TRAPPC13: variants seen among roughly 807,000 people sequenced by gnomAD.
TRAPPC13 encodes REV7-interacting novel NHEJ regulator 1.
Under a neutral mutation model 54.0 loss-of-function variants are expected in TRAPPC13, and 39 were observed. The ratio of observed to expected loss-of-function variants is 0.72; its 90% CI spans 0.56 to 0.94. TRAPPC13 has a LOEUF of 0.94. TRAPPC13 is among the 40% of genes least tolerant of loss of function. The probability of loss-of-function intolerance (pLI) is 0.00; values close to 1 mark genes in which losing one functional copy is unlikely to be tolerated. For missense variants in TRAPPC13, 386 were observed against 488.1 expected (o/e 0.79, Z 1.97); for synonymous variants, 148 against 167.7 (o/e 0.88, Z 0.91).
At chr5:65,658,882 G>T (rs116724647) in intron 9 of TRAPPC13, among the ~76,000 whole-genome samples, 2,204 of 152,008 alleles carry the variant, frequency 0.014, 45 homozygotes, top group African/African-American at 0.051. Context: ...ACCACGCTTG[G>T]TTAATTTTTT....
At chr5:65,649,673 C>T (rs968363699) in intron 5 of TRAPPC13, among the ~76,000 whole-genome samples, 7 of 152,082 alleles carry the variant, frequency 4.6e-5, no homozygotes, top group African/African-American at 1.7e-4. Context: ...TGGTGTTTTG[C>T]TTATTAACTT....
intron 2 of TRAPPC13, 36 bp from the exon 3 acceptor site, chr5:65,635,908 T>C (rs763748530): frequency 7.7e-7 from 1 of 1,306,658 alleles, no homozygotes; most frequent in South Asian, 1.4e-5. Context: ...ATTTAAAGGG[T>C]AGATGTTAGA....
At chr5:65,653,874 A>T (rs27147) in intron 7 of TRAPPC13, among the ~76,000 whole-genome samples, 2 of 151,980 alleles carry the variant, frequency 1.3e-5, no homozygotes, top group African/African-American at 4.8e-5. Context: ...CTTTTTTGTT[A>T]TTAATACCAC....
At chr5:65,626,093 G>A (rs1268740949) in intron 1 of TRAPPC13, 1 of 91,768 alleles carries the variant, frequency 1.1e-5, no homozygotes, top group Non-Finnish European at 2.5e-5. Context: ...AGCTTAACCT[G>A]AGCAAATGAT....
chr5:65,628,824 A>AT lies in TRAPPC13; in HGVS notation c.46+3732dup, dbSNP rs11348831. ...TTAATTTTCTTCCAGACAGATTAGA[A>AT]TTTTTTTTTTTTTTAATGAGATGAA... On this transcript the variant is annotated intron_variant, in intron 1 of 12. Coordinates refer to ENST00000399438, the MANE Select transcript of TRAPPC13 (RefSeq NM_024941.4). 2.9e-3 allele frequency among the ~76,000 whole-genome samples: 423 copies of AT among 144,284 alleles called. 2 individuals carry two copies. Among genetic ancestry groups the AT allele is most frequent in the East Asian group, 0.014 (69 of 4,958 alleles). The allele number at this position is 144,284 out of a possible 152,430, so 94.7% of individuals were successfully genotyped here. A position where few individuals can be genotyped will look rare whatever the true frequency, so the allele number is the denominator to read the frequency against.
At chr5:65,630,065 A>G in intron 1 of TRAPPC13, 1 of 1,536,124 alleles carries the variant, frequency 6.5e-7, no homozygotes. Flanking sequence ...AAAGGCACTA[A>G]ATTTACACTC....
At chr5:65,640,953 A>G (rs1755942933) in intron 4 of TRAPPC13, among the ~76,000 whole-genome samples, 1 of 145,748 alleles carries the variant, frequency 6.9e-6, no homozygotes, top group Non-Finnish European at 1.5e-5. Context: ...TTTTTTTTTG[A>G]GAGAGGATCT....
At chr5:65,650,932 GGTA>G (rs1303162650) in intron 6 of TRAPPC13, 50 bp downstream of exon 6, 2 of 1,319,502 alleles carry the variant, frequency 1.5e-6, no homozygotes, top group African/African-American at 2.9e-5. Context: ...TTTTCTTCCT[GGTA>G]GTATACAGTT....
At chr5:65,636,159 T>C (rs929683504) in intron 3 of TRAPPC13, 116 bp downstream of exon 3, 16 of 695,660 alleles carry the variant, frequency 2.3e-5, no homozygotes, top group South Asian at 1.1e-4. Context: ...TTTTTTTTTT[T>C]CTGAGATGGA....
chr5:65,632,604 G>T (rs1314066949), intron 1 of TRAPPC13, among the ~76,000 whole-genome samples: 2 of 152,066 alleles, frequency 1.3e-5, no homozygotes, highest in Non-Finnish European at 2.9e-5. Context: ...ATAATCCTTT[G>T]TATGCAAATT....
At chr5:65,640,008 G>A (rs1223245241) in intron 4 of TRAPPC13, among the ~76,000 whole-genome samples, 1 of 152,210 alleles carries the variant, frequency 6.6e-6, no homozygotes, top group African/African-American at 2.4e-5. Flanking sequence ...AAGGACGTTA[G>A]AGAGCAAATA....
At chr5:65,662,340 T>A in intron 11 of TRAPPC13, 190 bp downstream of exon 11, 1 of 436,782 alleles carries the variant, frequency 2.3e-6, no homozygotes, top group Non-Finnish European at 4.0e-6. Context: ...GGGCCTATTG[T>A]ATTATGCATC....
At chr5:65,626,968 C>T (rs181444791) in intron 1 of TRAPPC13, among the ~76,000 whole-genome samples, 6 of 151,446 alleles carry the variant, frequency 4.0e-5, no homozygotes, top group Middle Eastern at 3.4e-3. Context: ...GGCGAAAACC[C>T]GTCTATACCA....
At chr5:65,633,258 A>AC (rs1755612962) in intron 1 of TRAPPC13, among the ~76,000 whole-genome samples, 1 of 152,012 alleles carries the variant, frequency 6.6e-6, no homozygotes, top group African/African-American at 2.4e-5. Flanking sequence ...TATAGTCTTT[A>AC]TAGTATTTTG....
At chr5:65,649,756 G>A (rs901022953) in intron 5 of TRAPPC13, among the ~76,000 whole-genome samples, 1 of 151,530 alleles carries the variant, frequency 6.6e-6, no homozygotes, top group Non-Finnish European at 1.5e-5. Context: ...TTTTATCCTA[G>A]TTTGTTTCTG....
rs1377495764 is a variant in TRAPPC13, at chr5:65,663,283, A to G, written c.999-954A>G. The stretch of plus-strand genomic sequence containing the variant: ...TTTCTAAAAAGCACATGTCTCTTAG[A>G]TCTTTAGTTTCCTCTCTATATAAAT... On this transcript the variant is annotated intron_variant, in intron 11 of 12. Transcript: ENST00000399438. The G allele has an allele frequency of 2.0e-5, 3 of 152,146 alleles. No individual in the cohort carries two copies. In the East Asian group the frequency reaches 5.8e-4, roughly 29 times the overall value. The allele number at this position is 152,146 out of a possible 1,614,324, so 9.4% of individuals were successfully genotyped here.
intron 1 of TRAPPC13, among the ~76,000 whole-genome samples, chr5:65,633,099 T>C (rs771510606): frequency 7.9e-5 from 12 of 152,166 alleles, no homozygotes; most frequent in Non-Finnish European, 7.4e-5. Flanking sequence ...TGTTACTTTT[T>C]TTCTGAAAAA....
At chr5:65,661,921 G>A (rs1278317827) in intron 10 of TRAPPC13, 129 bp from the exon 11 acceptor site, 7 of 568,566 alleles carry the variant, frequency 1.2e-5, no homozygotes, top group South Asian at 2.8e-5. Context: ...AAGTGAATCA[G>A]AAGTATTTTC....
chr5:65,644,484 A>G (rs1756104573), intron 4 of TRAPPC13, among the ~76,000 whole-genome samples: 1 of 152,190 alleles, frequency 6.6e-6, no homozygotes, highest in African/African-American at 2.4e-5. Context: ...TTATCAAAAA[A>G]CTGCAGTTAT....
Sources: allele counts gnomAD v4.1 joint callset (sites outside exome capture counted in the v4.1 genomes callset), GRCh38; gene constraint gnomAD v4.1.1; transcripts MANE v1.5; gene names NCBI Gene and HGNC (gene_info 2026-07-23, HGNC 2026-07-21).